Variants in KLHL29 observed in about 807,000 individuals in gnomAD.
The protein encoded by KLHL29 is kelch-like protein 29.
A neutral mutation model predicts 80.4 loss-of-function variants in KLHL29; 21 were observed. The ratio of observed to expected loss-of-function variants is 0.26; its 90% CI spans 0.19 to 0.38. The LOEUF (loss-of-function observed/expected upper bound fraction) is 0.38. Ranked by LOEUF, KLHL29 falls within the 10% of genes least tolerant of loss-of-function variation. The pLI is 1.00. For missense variants in KLHL29, 867 were observed against 1,223.9 expected, an observed-to-expected ratio of 0.71 and a Z score of 4.35; for synonymous variants, 511 against 526.8, an observed-to-expected ratio of 0.97 and a Z score of 0.41.
chr2:23,566,064 A>G (rs1274417420), intron 3 of KLHL29, among the ~76,000 whole-genome samples: 2 of 152,208 alleles, frequency 1.3e-5, no homozygotes, highest in Non-Finnish European at 2.9e-5. Flanking sequence ...CTGGCCGGTG[A>G]GGTGATGACA....
Position 23,560,590 on chromosome 2 carries a change from AT to A in KLHL29, c.-45-1557del, listed in dbSNP as rs1293583779. On this transcript the variant is annotated intron_variant, in intron 2 of 13. Transcript: ENST00000486442. ...AGCCTGGATAGACTTTTTAAAAAGA[AT>A]TTTTGTGTCATGGTGTAAGCCAGAA... Among the ~76,000 whole-genome samples the A allele has an allele frequency of 3.2e-4, 48 of 152,186 alleles. 2 individuals are homozygous for A. The highest frequency in any genetic ancestry group is 3.1e-3 in the Admixed American group (47 of 15,278).
At chr2:23,463,125 T>C (rs959247326) in intron 1 of KLHL29, among the ~76,000 whole-genome samples, 7 of 151,662 alleles carry the variant, frequency 4.6e-5, no homozygotes, top group African/African-American at 1.5e-4. Flanking sequence ...ACTTTTTGAG[T>C]CCTCTGACAA....
chr2:23,461,330 C>T (rs1664203751), intron 1 of KLHL29, among the ~76,000 whole-genome samples: 1 of 152,196 alleles, frequency 6.6e-6, no homozygotes, highest in Admixed American at 6.5e-5. Flanking sequence ...GTGGTTCTTT[C>T]TGTCTCCTAC....
intron 2 of KLHL29, among the ~76,000 whole-genome samples, chr2:23,502,343 C>T (rs1572360612): frequency 1.3e-5 from 2 of 152,370 alleles, no homozygotes; most frequent in South Asian, 4.1e-4. Flanking sequence ...ATTTCTGCCC[C>T]AACAAAGAGA....
chr2:23,482,964 G>A (rs1434041386), intron 2 of KLHL29, among the ~76,000 whole-genome samples: 1 of 152,164 alleles, frequency 6.6e-6, no homozygotes, highest in African/African-American at 2.4e-5. Context: ...CTCTCAGTCC[G>A]GTGGGGCAGC....
At chr2:23,459,001 A>G (rs1018769013) in intron 1 of KLHL29, among the ~76,000 whole-genome samples, 1 of 152,224 alleles carries the variant, frequency 6.6e-6, no homozygotes. Context: ...TGAAAAGACT[A>G]TTGCAAGAGA....
chr2:23,563,380 C>T (rs964133772), intron 3 of KLHL29, among the ~76,000 whole-genome samples: 2 of 152,328 alleles, frequency 1.3e-5, no homozygotes, highest in East Asian at 1.9e-4. Context: ...GCTTCCTCAC[C>T]GAGCAGGGGC....
chr2:23,448,795 G>C (rs996100121), intron 1 of KLHL29, among the ~76,000 whole-genome samples: 6 of 152,278 alleles, frequency 3.9e-5, no homozygotes, highest in Admixed American at 3.9e-4. Context: ...CTCCTTGCCT[G>C]TGCTTGCCAG....
chr2:23,531,956 G>A (rs1031212331), intron 2 of KLHL29, among the ~76,000 whole-genome samples: 11 of 152,316 alleles, frequency 7.2e-5, no homozygotes, highest in Middle Eastern at 3.4e-3. Flanking sequence ...AAGTCGCCAC[G>A]ACTCCCAAGT....
intron 3 of KLHL29, among the ~76,000 whole-genome samples, chr2:23,573,067 G>A (rs1490185078): frequency 1.6e-4 from 4 of 24,916 alleles, no homozygotes; most frequent in Non-Finnish European, 2.1e-4. Flanking sequence ...GAAGCCTCAC[G>A]GGTTCGTAGT....
chr2:23,423,912 C>T lies in KLHL29; in HGVS notation c.-154+38132C>T, dbSNP rs569412807. 6.6e-5 allele frequency among the ~76,000 whole-genome samples: 10 copies of T among 152,306 alleles called. No individual in the cohort carries two copies. In the South Asian group the frequency reaches 1.2e-3, roughly 19 times the overall value. On this transcript the variant is annotated intron_variant, in intron 1 of 13. Transcript: ENST00000486442. ...GCAGGGAGCTTTGTCACAGGTTGCA[C>T]GGCTCCAATCTCTCCCCGACCCCAT...
At chr2:23,637,012 G>T (rs991243522) in intron 3 of KLHL29, among the ~76,000 whole-genome samples, 5 of 152,248 alleles carry the variant, frequency 3.3e-5, no homozygotes, top group Non-Finnish European at 5.9e-5. Context: ...AACCTCTGCA[G>T]CCTCTTGCCT....
chr2:23,699,208 T>C (rs1019098710), intron 11 of KLHL29, among the ~76,000 whole-genome samples: 2 of 152,196 alleles, frequency 1.3e-5, no homozygotes, highest in Non-Finnish European at 2.9e-5. Flanking sequence ...GGCTCTGGGC[T>C]GTGACTGAGT....
Position 23,707,177 on chromosome 2 carries a change from G to C in KLHL29, c.*513G>C, listed in dbSNP as rs2149235024. Reference sequence around the variant, plus strand: ...CAATACTGTGCATCACAAGGCCTAGGAGGCTGCTGGTCCCCACTGGGGCTG... The same window carrying C: ...CAATACTGTGCATCACAAGGCCTAGCAGGCTGCTGGTCCCCACTGGGGCTG... On this transcript the variant is annotated 3_prime_UTR_variant, in exon 14 of 14. Transcript: ENST00000486442. 1 of 152,408 alleles carries C rather than the reference G, an allele frequency of 6.6e-6. No individual in the cohort carries two copies. The highest frequency in any genetic ancestry group is 1.5e-5 in the Non-Finnish European group (1 of 68,086). The allele number at this position is 152,408 out of a possible 1,614,324, so 9.4% of individuals were successfully genotyped here. A position where few individuals can be genotyped will look rare whatever the true frequency, so the allele number is the denominator to read the frequency against.
chr2:23,396,639 G>A (rs1293887728), intron 1 of KLHL29, among the ~76,000 whole-genome samples: 4 of 152,094 alleles, frequency 2.6e-5, no homozygotes, highest in Admixed American at 1.3e-4. Flanking sequence ...TAATCTCTTC[G>A]GTTCATGCTG....
chr2:23,529,800 G>A (rs922274751), intron 2 of KLHL29, among the ~76,000 whole-genome samples: 24 of 152,196 alleles, frequency 1.6e-4, no homozygotes, highest in Non-Finnish European at 2.5e-4. Context: ...CCCGCCACCC[G>A]TCCTGAGACA....
At chr2:23,683,362 T>C (rs1270456715) in intron 5 of KLHL29, among the ~76,000 whole-genome samples, 1 of 152,116 alleles carries the variant, frequency 6.6e-6, no homozygotes, top group Non-Finnish European at 1.5e-5. Flanking sequence ...CCAGCAACAT[T>C]AAGGGCAGGC....
At chr2:23,703,050 C>G in intron 11 of KLHL29, 136 bp from the exon 12 acceptor site, 1 of 541,258 alleles carries the variant, frequency 1.8e-6, no homozygotes, top group Non-Finnish European at 3.0e-6. Context: ...CAGTGCCCCC[C>G]ACTGCTGGTG....
At chr2:23,391,734 C>G (rs548471637) in intron 1 of KLHL29, among the ~76,000 whole-genome samples, 1 of 152,338 alleles carries the variant, frequency 6.6e-6, no homozygotes, top group African/African-American at 2.4e-5. Flanking sequence ...CCACCGCGCC[C>G]AGCCCTATTT....
Sources: allele counts gnomAD v4.1 joint callset (sites outside exome capture counted in the v4.1 genomes callset), GRCh38; gene constraint gnomAD v4.1.1; transcripts MANE v1.5; gene names NCBI Gene and HGNC (gene_info 2026-07-23, HGNC 2026-07-21).